The following MTMR3 variants were observed in gnomAD, a reference collection of about 807,000 sequenced individuals.
MTMR3 encodes phosphatidylinositol-3,5-bisphosphate 3-phosphatase MTMR3.
Under a neutral mutation model 132.4 loss-of-function variants are expected in MTMR3, and 32 were observed. That is an observed-to-expected ratio of 0.24 (90% CI 0.18 to 0.32). The LOEUF is 0.32. Ranked by LOEUF, MTMR3 falls within the 10% of genes least tolerant of loss-of-function variation. The pLI is 1.00. For missense variants in MTMR3, 1,216 were observed against 1,489.6 expected (o/e 0.82, Z 3.02); for synonymous variants, 556 against 550.3 (o/e 1.01, Z -0.14).
intron 1 of MTMR3, among the ~76,000 whole-genome samples, chr22:29,914,487 C>T (rs543499148): frequency 1.3e-5 from 2 of 152,198 alleles, no homozygotes; most frequent in Admixed American, 6.5e-5. Context: ...AATATGAGTC[C>T]TTCATAACAG....
chr22:29,923,879 C>G (rs1013888294), intron 1 of MTMR3, among the ~76,000 whole-genome samples: 5 of 152,194 alleles, frequency 3.3e-5, no homozygotes, highest in African/African-American at 1.2e-4. Context: ...ATTCAAAGCC[C>G]TTTGCCTACT....
chr22:29,939,801 G>A (rs966961596), intron 1 of MTMR3, among the ~76,000 whole-genome samples: 3 of 152,116 alleles, frequency 2.0e-5, no homozygotes, highest in African/African-American at 7.2e-5. Flanking sequence ...CTCTGCCCAG[G>A]CTAAGCCATC....
At chr22:29,969,491 C>G (rs2066491174) in intron 2 of MTMR3, among the ~76,000 whole-genome samples, 1 of 152,026 alleles carries the variant, frequency 6.6e-6, no homozygotes, top group African/African-American at 2.4e-5. Flanking sequence ...GTAGCCTTGA[C>G]TGTTCTCTAC....
chr22:29,905,029 T>C (rs1431922605), intron 1 of MTMR3, among the ~76,000 whole-genome samples: 2 of 152,240 alleles, frequency 1.3e-5, no homozygotes, highest in Admixed American at 6.5e-5. Context: ...TCCTCTGTTA[T>C]GGTTCTTAGA....
At chr22:30,019,331 A>T (rs1783635939) in intron 16 of MTMR3, 149 bp from the exon 17 acceptor site, 1 of 717,508 alleles carries the variant, frequency 1.4e-6, no homozygotes, top group Non-Finnish European at 2.2e-6. Flanking sequence ...CTGCTCCAGC[A>T]GTCTGGGCCT....
intron 1 of MTMR3, among the ~76,000 whole-genome samples, chr22:29,926,824 A>C (rs1372280903): frequency 1.3e-5 from 2 of 152,192 alleles, no homozygotes; most frequent in Non-Finnish European, 2.9e-5. Flanking sequence ...AAAGCACAAA[A>C]ATGTTTAATT....
chr22:29,971,048 G>A lies in MTMR3; in HGVS notation c.-12G>A. ...GGACGGGGATTTCTCCTCCTAATCTGGGCCTCTTGTCATGGTAAGTACAAG... is the reference window on the plus strand; with the variant it reads ...GGACGGGGATTTCTCCTCCTAATCTAGGCCTCTTGTCATGGTAAGTACAAG... On this transcript the variant is annotated 5_prime_UTR_variant, in exon 3 of 20. Coordinates refer to ENST00000401950, the MANE Select transcript of MTMR3 (RefSeq NM_021090.4). 1.3e-6 allele frequency: 2 copies of A among 1,586,936 alleles called. No individual in the cohort carries two copies. Among genetic ancestry groups the A allele is most frequent in the South Asian group, 1.1e-5 (1 of 87,864 alleles).
At chr22:29,949,286 G>A (rs1257481570) in intron 1 of MTMR3, among the ~76,000 whole-genome samples, 1 of 151,566 alleles carries the variant, frequency 6.6e-6, no homozygotes, top group Non-Finnish European at 1.5e-5. Context: ...TCAGGAGTTC[G>A]AGACCAGCCT....
At chr22:29,972,714 G>A (rs1379595679) in intron 3 of MTMR3, among the ~76,000 whole-genome samples, 1 of 152,104 alleles carries the variant, frequency 6.6e-6, no homozygotes, top group East Asian at 1.9e-4. Context: ...AGAATTACAG[G>A]CACCTGCCAC....
Position 30,020,386 on chromosome 22 carries a change from C to T in MTMR3, c.2727C>T (p.Ser909=), listed in dbSNP as rs1204345336. 1.2e-6 allele frequency: 2 copies of T among 1,614,080 alleles called. No individual in the cohort carries two copies. The highest frequency in any genetic ancestry group is 2.7e-5 in the African/African-American group (2 of 74,932). Residue 909 remains serine, a synonymous_variant, in exon 17 of 20, where the codon AGC becomes AGT. Coordinates refer to ENST00000401950, the MANE Select transcript of MTMR3 (RefSeq NM_021090.4). ...VHRTSLGSTL[S]LTRSPCALPL... is the part of the protein sequence containing the mutation. ...GGACTTCCCTTGGCAGCACTCTCAG[C>T]CTGACACGTTCCCCTTGTGCCTTGC...
chr22:29,991,945 A>C, intron 7 of MTMR3: 1 of 266,348 alleles, frequency 3.8e-6, no homozygotes, highest in East Asian at 6.9e-5. Context: ...GCCTGATAGA[A>C]AGGAGCCATG....
intron 1 of MTMR3, among the ~76,000 whole-genome samples, chr22:29,899,384 T>C (rs1439712487): frequency 2.0e-4 from 30 of 152,158 alleles, no homozygotes; most frequent in Admixed American, 2.0e-3. Flanking sequence ...TAGTATATAG[T>C]ATATGTTATT....
intron 5 of MTMR3, chr22:29,982,771 G>A (rs2066774328): frequency 6.6e-6 from 1 of 152,118 alleles, no homozygotes; most frequent in African/African-American, 2.4e-5. Context: ...CAGTTCCTGT[G>A]GTAAAGAATC....
chr22:29,991,980 A>T (rs183077710), intron 7 of MTMR3: 1 of 209,610 alleles, frequency 4.8e-6, no homozygotes, highest in Non-Finnish European at 9.4e-6. Context: ...GTGTGGGAAG[A>T]CTTCACATTT....
chr22:29,933,740 T>G (rs1331398043), intron 1 of MTMR3, among the ~76,000 whole-genome samples: 4 of 151,348 alleles, frequency 2.6e-5, no homozygotes, highest in Non-Finnish European at 4.4e-5. Flanking sequence ...TGTGTTTTTT[T>G]TTTTTTTTTT....
In MTMR3 at chr22:30,026,411, G is replaced by A. The variant is rs1261349981; in HGVS notation, c.*610G>A. 6.5e-6 allele frequency: 1 copy of A among 152,702 alleles called. No homozygotes were observed. Among genetic ancestry groups the A allele is most frequent in the Non-Finnish European group, 1.5e-5 (1 of 68,340 alleles). 9.5% of individuals were successfully genotyped at this position (152,702 alleles called of 1,614,324 possible). ...TTGGAGGGAGAGGCACACGGTAAAT[G>A]GCATCCCCTTAGGCGCCTCTTTGGG... On this transcript the variant is annotated 3_prime_UTR_variant, in exon 20 of 20. Coordinates refer to ENST00000401950, the MANE Select transcript of MTMR3 (RefSeq NM_021090.4).
rs151191412 is a variant in MTMR3, at chr22:29,934,233, A to G, written c.-137-22803A>G. 3.4e-4 allele frequency among the ~76,000 whole-genome samples: 52 copies of G among 152,266 alleles called. 2 individuals carry two copies. In the East Asian group the frequency reaches 0.01, roughly 29 times the overall value. ...GTCGGGCATTGTGGCGGGCACCTGT[A>G]GACTCAGCTACTCCGGAGGCTGACG... On this transcript the variant is annotated intron_variant, in intron 1 of 19. Transcript: ENST00000401950.
chr22:29,984,779 TA>T (rs1302177718), intron 5 of MTMR3: 1 of 152,236 alleles, frequency 6.6e-6, no homozygotes, highest in East Asian at 1.9e-4. Context: ...AGTTTTGATT[TA>T]AACTCTGTTT....
Position 29,988,509 on chromosome 22 carries a change from A to G in MTMR3, c.240A>G (p.Glu80=), listed in dbSNP as rs2066900259. The change falls in exon 6 of 20, where the codon GAA becomes GAG. Residue 80 remains glutamate, a synonymous_variant. Transcript: ENST00000401950. The part of the protein sequence containing the change: ...NVPLQLIESV[E]CRDIFQLHLT... The stretch of plus-strand genomic sequence containing the variant: ...CATTACAGCTTATAGAAAGTGTTGA[A>G]TGCCGAGATATATTTCAGCTTCATT... The G allele has an allele frequency of 6.2e-7, 1 of 1,612,896 alleles. No homozygotes were observed. Among genetic ancestry groups the G allele is most frequent in the African/African-American group, 1.3e-5 (1 of 75,016 alleles).
Sources: gnomAD v4.1 joint callset for allele counts (sites outside exome capture counted in the v4.1 genomes callset) on GRCh38, gnomAD v4.1.1 for gene constraint, MANE v1.5 for transcripts, NCBI Gene and HGNC (gene_info 2026-07-23, HGNC 2026-07-21) for gene names.